KCNH8: variants seen among roughly 807,000 people sequenced by gnomAD.
KCNH8 encodes voltage-gated delayed rectifier potassium channel KCNH8.
A neutral mutation model predicts 103.6 loss-of-function variants in KCNH8; 70 were observed. The observed-to-expected ratio is 0.68, with a 90% CI of 0.56 to 0.82. The LOEUF is 0.82. Among genes scored for constraint, KCNH8 ranks in the 40% least tolerant of loss-of-function variants. The pLI is 0.00. For synonymous variants in KCNH8, 498 were observed against 489.4 expected, an observed-to-expected ratio of 1.02 and a Z score of -0.23; for missense variants, 1,217 against 1,329.9, an observed-to-expected ratio of 0.92 and a Z score of 1.32.
rs539063240 is a variant in KCNH8 at position 19,408,302 on chromosome 3, G to A, written c.1177+12991G>A. Among the ~76,000 whole-genome samples, 7 of 152,154 alleles carry A rather than the reference G, an allele frequency of 4.6e-5. No individual in the cohort carries two copies. The South Asian group carries it at 6.2e-4, about 14-fold the overall frequency. On this transcript the variant is annotated intron_variant, in intron 7 of 15. Coordinates refer to ENST00000328405, the MANE Select transcript of KCNH8 (RefSeq NM_144633.3). Reference sequence around the variant, plus strand: ...AGCCACAGCCCCTAGGGTGGAAGGGGAAGGTAAAGGGAAAGAAAATAATAA... The same window carrying A: ...AGCCACAGCCCCTAGGGTGGAAGGGAAAGGTAAAGGGAAAGAAAATAATAA...
At chr3:19,391,701 GACAGTGCCAACATCTT>G (rs1400785677) in intron 6 of KCNH8, 1 of 151,954 alleles carries the variant, frequency 6.6e-6, no homozygotes, top group East Asian at 1.9e-4. Context: ...TTGGGAGGTT[GACAGTGCCAACATCTT>G]TAAAACGTTT....
At chr3:19,214,431 A>G (rs2063799699) in intron 1 of KCNH8, among the ~76,000 whole-genome samples, 1 of 152,182 alleles carries the variant, frequency 6.6e-6, no homozygotes, top group Non-Finnish European at 1.5e-5. Flanking sequence ...TGCCTAGCTC[A>G]GGAGGTTAGC....
intron 3 of KCNH8, among the ~76,000 whole-genome samples, chr3:19,334,125 G>A (rs1182642170): frequency 6.6e-6 from 1 of 151,484 alleles, no homozygotes; most frequent in Non-Finnish European, 1.5e-5. Flanking sequence ...AGTCCCGTAT[G>A]GACCGTCATT....
At chr3:19,521,768 T>C (rs2068974847) in intron 15 of KCNH8, among the ~76,000 whole-genome samples, 1 of 152,012 alleles carries the variant, frequency 6.6e-6, no homozygotes, top group Non-Finnish European at 1.5e-5. Flanking sequence ...TTGATTGTAA[T>C]TGTGCTACTG....
chr3:19,362,064 A>G (rs1033405653), intron 5 of KCNH8, among the ~76,000 whole-genome samples: 6 of 152,152 alleles, frequency 3.9e-5, no homozygotes, highest in African/African-American at 1.4e-4. Context: ...CAGCTCACTC[A>G]CTGTTCAATC....
chr3:19,412,377 C>G (rs992232903), intron 7 of KCNH8, among the ~76,000 whole-genome samples: 2 of 151,878 alleles, frequency 1.3e-5, no homozygotes, highest in Non-Finnish European at 2.9e-5. Context: ...CTACTTTTCA[C>G]CATATACAAA....
intron 5 of KCNH8, among the ~76,000 whole-genome samples, chr3:19,387,031 A>T (rs1168335824): frequency 6.6e-6 from 1 of 152,124 alleles, no homozygotes; most frequent in Non-Finnish European, 1.5e-5. Context: ...ATGGAAGGAA[A>T]TATTTATAAA....
intron 5 of KCNH8, among the ~76,000 whole-genome samples, chr3:19,386,064 CCT>C (rs1452185155): frequency 2.0e-5 from 3 of 152,056 alleles, no homozygotes; most frequent in Admixed American, 2.0e-4. Flanking sequence ...TTAAATTTAA[CCT>C]CTTTTTTTGT....
At chr3:19,265,817 G>A (rs931214036) in intron 2 of KCNH8, among the ~76,000 whole-genome samples, 2 of 151,828 alleles carry the variant, frequency 1.3e-5, no homozygotes, top group Non-Finnish European at 1.5e-5. Context: ...TTATAATATC[G>A]ACTGGCTACA....
At chr3:19,417,022 T>C (rs533583625) in intron 7 of KCNH8, among the ~76,000 whole-genome samples, 9 of 151,888 alleles carry the variant, frequency 5.9e-5, no homozygotes, top group Non-Finnish European at 1.2e-4. Context: ...CCCACTGACA[T>C]CATTACCACT....
intron 1 of KCNH8, among the ~76,000 whole-genome samples, chr3:19,253,371 T>A (rs1220604626): frequency 1.3e-5 from 2 of 151,986 alleles, no homozygotes; most frequent in African/African-American, 4.8e-5. Flanking sequence ...AAAAGCATCA[T>A]CCCTTACTGC....
intron 13 of KCNH8, among the ~76,000 whole-genome samples, chr3:19,514,166 T>A (rs2068834950): frequency 6.6e-6 from 1 of 152,082 alleles, no homozygotes; most frequent in South Asian, 2.1e-4. Context: ...TCAGAGATAT[T>A]AAGTATTGAA....
Position 19,220,628 on chromosome 3 carries a change from A to G in KCNH8, c.77-33026A>G, listed in dbSNP as rs569439332. Among the ~76,000 whole-genome samples, 304 of 152,264 alleles carry G rather than the reference A, an allele frequency of 2.0e-3. 1 individual carries two copies. Among genetic ancestry groups the G allele is most frequent in the Middle Eastern group, 6.8e-3 (2 of 294 alleles). On this transcript the variant is annotated intron_variant, in intron 1 of 15. Coordinates refer to ENST00000328405, the MANE Select transcript of KCNH8 (RefSeq NM_144633.3). ...GCCATGCTCTTTCATGGATGGCAAC[A>G]TTATCCATGACCAACCATAAAACAG...
At chr3:19,345,486 T>G (rs1211493237) in intron 4 of KCNH8, among the ~76,000 whole-genome samples, 1 of 152,062 alleles carries the variant, frequency 6.6e-6, no homozygotes, top group Non-Finnish European at 1.5e-5. Context: ...TAAAACACCA[T>G]TGGTACTAAA....
intron 15 of KCNH8, among the ~76,000 whole-genome samples, chr3:19,527,823 A>T (rs574854738): frequency 2.0e-5 from 3 of 152,234 alleles, no homozygotes; most frequent in Admixed American, 6.5e-5. Context: ...ACATCTAATG[A>T]TTTGTGTGGT....
intron 8 of KCNH8, among the ~76,000 whole-genome samples, chr3:19,440,626 C>A (rs2067268840): frequency 1.3e-5 from 2 of 152,246 alleles, no homozygotes; most frequent in South Asian, 2.1e-4. Flanking sequence ...GGTCCCTCCC[C>A]ACAACACGTG....
intron 2 of KCNH8, among the ~76,000 whole-genome samples, chr3:19,280,605 C>T (rs1029938532): frequency 5.9e-5 from 9 of 152,034 alleles, no homozygotes; most frequent in Non-Finnish European, 1.2e-4. Flanking sequence ...CACTCATTCA[C>T]GCTGATGTAT....
chr3:19,512,832 T>C (rs2125242405), intron 12 of KCNH8, 138 bp from the exon 13 acceptor site: 1 of 737,998 alleles, frequency 1.4e-6, no homozygotes, highest in South Asian at 1.9e-5. Context: ...AATAACAAAA[T>C]CTGCAAAGAC....
chr3:19,282,678 A>G (rs1290176205), intron 3 of KCNH8, among the ~76,000 whole-genome samples: 4 of 152,108 alleles, frequency 2.6e-5, no homozygotes, highest in Non-Finnish European at 4.4e-5. Context: ...CAAATTCCTT[A>G]ATTATCTTTG....
Sources: gnomAD v4.1 joint callset for allele counts (sites outside exome capture counted in the v4.1 genomes callset) on GRCh38, gnomAD v4.1.1 for gene constraint, MANE v1.5 for transcripts, NCBI Gene and HGNC (gene_info 2026-07-23, HGNC 2026-07-21) for gene names.